The following SCML4 variants were observed in gnomAD, a reference collection of about 807,000 sequenced individuals.
SCML4 encodes Scm polycomb group protein like 4, also known as sex comb on midleg-like protein 4.
SCML4 carries 34 observed loss-of-function variants against 41.1 expected under a neutral mutation model. That is an observed-to-expected ratio of 0.83 (90% CI 0.63 to 1.10). The LOEUF is 1.10. SCML4 is among the 50% of genes least tolerant of loss of function. The probability of loss-of-function intolerance (pLI) is 0.00; values close to 1 mark genes in which losing one functional copy is unlikely to be tolerated. For missense variants in SCML4, 522 were observed against 534.1 expected, an observed-to-expected ratio of 0.98 and a Z score of 0.22; for synonymous variants, 214 against 220.9, an observed-to-expected ratio of 0.97 and a Z score of 0.28.
intron 1 of SCML4, among the ~76,000 whole-genome samples, chr6:107,818,679 G>C (rs541391051): frequency 2.0e-5 from 3 of 152,350 alleles, no homozygotes; most frequent in African/African-American, 7.2e-5. Context: ...TCCAAATCCT[G>C]TCTCCAAAAC....
rs1464350313 is a variant in SCML4, at chr6:107,802,726, C to T, written c.-60+21400G>A. On this transcript the variant is annotated intron_variant, in intron 1 of 7. Transcript: ENST00000369020. ...CTCTCCCTCCTCTCCCTCTCCCTCT[C>T]CCCCTCCCTCTCCCTCTCCCCACGG... Among the ~76,000 whole-genome samples the T allele has an allele frequency of 3.6e-5, 5 of 139,026 alleles. No homozygotes were observed. The East Asian group carries it at 1.1e-3, about 29-fold the overall frequency. 91.2% of individuals were successfully genotyped at this position (139,026 alleles called of 152,430 possible).
intron 6 of SCML4, among the ~76,000 whole-genome samples, chr6:107,717,841 C>T (rs911850981): frequency 1.8e-4 from 28 of 152,210 alleles, no homozygotes; most frequent in African/African-American, 6.8e-4. Context: ...AACCATCGTG[C>T]CTGGCTGGTT....
chr6:107,831,421 A>AC, the SCML4 span, among the ~76,000 whole-genome samples: 3 of 151,240 alleles, frequency 2.0e-5, no homozygotes, highest in Admixed American at 6.6e-5. Context: ...CAAAAAAAAA[A>AC]AAAAAAAAAA....
chr6:107,835,263 A>AT, the SCML4 span, among the ~76,000 whole-genome samples: 1 of 152,042 alleles, frequency 6.6e-6, no homozygotes, highest in Non-Finnish European at 1.5e-5. Flanking sequence ...CAGCAGGCTG[A>AT]GATGGGAGGA....
At position 107,824,216 on chromosome 6, in the gene SCML4, C is replaced by T. The variant is rs966286208; in HGVS notation, c.-150G>A. ...CAGATGACTTTCAGCACATGCAAAC[C>T]GAGTATTGCAAAAGCTATCTTCCAC... On this transcript the variant is annotated 5_prime_UTR_variant, in exon 1 of 8. Coordinates refer to ENST00000369020, the MANE Select transcript of SCML4 (RefSeq NM_198081.5). 5.3e-5 allele frequency: 8 copies of T among 152,160 alleles called. No homozygotes were observed. Among genetic ancestry groups the T allele is most frequent in the African/African-American group, 1.7e-4 (7 of 41,382 alleles). The allele number at this position is 152,160 out of a possible 1,614,324, so 9.4% of individuals were successfully genotyped here. A position where few individuals can be genotyped will look rare whatever the true frequency, so the allele number is the denominator to read the frequency against.
intron 2 of SCML4, among the ~76,000 whole-genome samples, chr6:107,767,338 A>G (rs964293650): frequency 1.3e-5 from 2 of 152,200 alleles, no homozygotes; most frequent in African/African-American, 4.8e-5. Context: ...TGCCAATTCA[A>G]CAGTTCTAAT....
intron 1 of SCML4, among the ~76,000 whole-genome samples, chr6:107,796,601 A>G (rs1402457054): frequency 1.3e-5 from 2 of 152,062 alleles, no homozygotes; most frequent in African/African-American, 4.8e-5. Flanking sequence ...TTATCTATTC[A>G]CTCTCTAAAT....
chr6:107,829,844 G>A, the SCML4 span, among the ~76,000 whole-genome samples: 26 of 152,168 alleles, frequency 1.7e-4, no homozygotes, highest in African/African-American at 3.6e-4. Context: ...ATTTTTCCTC[G>A]TCACATTGGC....
chr6:107,836,601 G>A, the SCML4 span, among the ~76,000 whole-genome samples: 1 of 152,212 alleles, frequency 6.6e-6, no homozygotes, highest in Non-Finnish European at 1.5e-5. Flanking sequence ...GCCTGGTTCA[G>A]TGATGAGGGT....
rs1774151852 is a variant in SCML4, at chr6:107,710,916, C to T, written c.974-2905G>A. 2.9e-5 allele frequency among the ~76,000 whole-genome samples: 2 copies of T among 68,266 alleles called. 1 individual carries two copies. The highest frequency in any genetic ancestry group is 1.2e-4 in the African/African-American group (2 of 17,090). The allele number at this position is 68,266 out of a possible 152,430, so 44.8% of individuals were successfully genotyped here. ...ATCCCAGGGCCACCAGCTCACTCCC[C>T]TGTTCAGAAATGTCTGGTTTACAGT... is the stretch of plus-strand genomic sequence containing the variant. On this transcript the variant is annotated intron_variant, in intron 6 of 7. Coordinates refer to ENST00000369020, the MANE Select transcript of SCML4 (RefSeq NM_198081.5).
chr6:107,841,976 T>C, the SCML4 span, among the ~76,000 whole-genome samples: 1 of 152,178 alleles, frequency 6.6e-6, no homozygotes, highest in African/African-American at 2.4e-5. Context: ...TGGGTTTAAT[T>C]GCTTTTCTTT....
chr6:107,736,287 A>G (rs1313249663), intron 5 of SCML4, among the ~76,000 whole-genome samples: 1 of 152,218 alleles, frequency 6.6e-6, no homozygotes, highest in Non-Finnish European at 1.5e-5. Flanking sequence ...CTTTGCTAGA[A>G]GCAACACAGG....
intron 5 of SCML4, among the ~76,000 whole-genome samples, chr6:107,739,544 C>T (rs999872849): frequency 2.6e-5 from 4 of 152,002 alleles, no homozygotes; most frequent in Admixed American, 6.6e-5. Flanking sequence ...ACAGAACAAC[C>T]CTGGGGCCAA....
chr6:107,773,606 A>C (rs1052992827), intron 1 of SCML4, among the ~76,000 whole-genome samples: 19 of 151,844 alleles, frequency 1.3e-4, no homozygotes, highest in South Asian at 1.2e-3. Flanking sequence ...AAAAAAAAAA[A>C]AAAAAAGAAT....
chr6:107,729,752 T>A (rs1267734972), intron 5 of SCML4, among the ~76,000 whole-genome samples: 1 of 152,238 alleles, frequency 6.6e-6, no homozygotes, highest in African/African-American at 2.4e-5. Flanking sequence ...TAAGTGTTAC[T>A]CAGACACAGT....
intron 2 of SCML4, among the ~76,000 whole-genome samples, chr6:107,750,473 T>C (rs1778520569): frequency 6.6e-6 from 1 of 152,210 alleles, no homozygotes; most frequent in Non-Finnish European, 1.5e-5. Flanking sequence ...TTGATATCCA[T>C]ATTAACAAGT....
chr6:107,709,269 G>A (rs1044037644), intron 6 of SCML4, among the ~76,000 whole-genome samples: 2 of 152,198 alleles, frequency 1.3e-5, no homozygotes, highest in African/African-American at 4.8e-5. Context: ...TGGAGGGGGA[G>A]AAGAGCTCTG....
the SCML4 span, among the ~76,000 whole-genome samples, chr6:107,843,444 C>A: frequency 0.042 from 6,449 of 152,188 alleles, 241 homozygotes; most frequent in African/African-American, 0.1. Context: ...AAACTTAGAG[C>A]AACCTATTTT....
rs7754709 is a variant in SCML4, at chr6:107,738,739, C to T, written c.682+6210G>A. 4.0e-3 allele frequency among the ~76,000 whole-genome samples: 609 copies of T among 152,232 alleles called. 7 individuals carry two copies. In the East Asian group the frequency reaches 0.053, roughly 13 times the overall value. On this transcript the variant is annotated intron_variant, in intron 5 of 7. Transcript: ENST00000369020. ...CTAATACAGCCACTTTGTCTTGGTG[C>T]CCATACCTTCACCTCTGGGAGGCCC...
Sources: gnomAD v4.1 joint callset for allele counts (sites outside exome capture counted in the v4.1 genomes callset) on GRCh38, gnomAD v4.1.1 for gene constraint, MANE v1.5 for transcripts, NCBI Gene and HGNC (gene_info 2026-07-23, HGNC 2026-07-21) for gene names.